MIB1: variants seen among roughly 807,000 people sequenced by gnomAD.
The protein encoded by MIB1 is E3 ubiquitin-protein ligase MIB1.
In MIB1, 278 loss-of-function variants were observed where a neutral mutation model predicts 124.5. The observed-to-expected ratio is 2.23, with a 90% CI of 2.02 to 2.47. The LOEUF is 2.47. MIB1 is among the 30% of genes most tolerant of loss of function. MIB1 has a pLI of 0.00. For synonymous variants in MIB1, 446 were observed against 429.4 expected (o/e 1.04, Z -0.48); for missense variants, 957 against 1,254.4 (o/e 0.76, Z 3.58).
chr18:21,708,578 C>A (rs1372141185), intron 1 of MIB1, among the ~76,000 whole-genome samples: 1 of 152,098 alleles, frequency 6.6e-6, no homozygotes, highest in African/African-American at 2.4e-5. Flanking sequence ...ATTGCTTGAA[C>A]CCGGGAAGGC....
At chr18:21,857,523 C>T (rs994020862) in intron 19 of MIB1, among the ~76,000 whole-genome samples, 1 of 152,170 alleles carries the variant, frequency 6.6e-6, no homozygotes, top group Admixed American at 6.5e-5. Context: ...AAAATTTGTG[C>T]TCTATTTTTA....
chr18:21,741,910 C>T lies in MIB1; in HGVS notation c.229+98C>T. On this transcript the variant is annotated intron_variant, in intron 1 of 20. Coordinates refer to ENST00000261537, the MANE Select transcript of MIB1 (RefSeq NM_020774.4). This position sits in a 1 kb window ranked among gnomAD's most constrained non-coding sequence, Gnocchi z 5.4. Reference sequence around the variant, plus strand: ...GCGGGGAGAGGTCTGCAGTGGGACACCTGGTGGGCAGCGCCCGGCTGGAGC... The same window carrying T: ...GCGGGGAGAGGTCTGCAGTGGGACATCTGGTGGGCAGCGCCCGGCTGGAGC... The T allele has an allele frequency of 4.6e-6, 5 of 1,093,332 alleles. No individual in the cohort carries two copies. In the South Asian group the frequency reaches 4.9e-5, roughly 11 times the overall value. The allele number at this position is 1,093,332 out of a possible 1,614,324, so 67.7% of individuals were successfully genotyped here.
intron 1 of MIB1, among the ~76,000 whole-genome samples, chr18:21,754,321 A>G (rs1309817311): frequency 6.6e-6 from 1 of 152,238 alleles, no homozygotes; most frequent in Admixed American, 6.5e-5. Flanking sequence ...CTGAAAATAT[A>G]AAATCAGAAA....
At chr18:21,707,806 T>C (rs2040646659) in intron 1 of MIB1, among the ~76,000 whole-genome samples, 1 of 152,182 alleles carries the variant, frequency 6.6e-6, no homozygotes, top group South Asian at 2.1e-4. Flanking sequence ...AGTGAAAGTA[T>C]TATCGAATAA....
At chr18:21,752,745 C>A (rs2040989729) in intron 1 of MIB1, among the ~76,000 whole-genome samples, 1 of 152,006 alleles carries the variant, frequency 6.6e-6, no homozygotes, top group Non-Finnish European at 1.5e-5. Context: ...AAACAAAAAA[C>A]AACAAAAAAC....
intron 12 of MIB1, among the ~76,000 whole-genome samples, chr18:21,835,801 CCACACACA>C (rs774725850): frequency 6.9e-5 from 7 of 101,584 alleles, no homozygotes; most frequent in African/African-American, 2.7e-4. Context: ...ATATATATAT[CCACACACA>C]CACACACACA....
intron 13 of MIB1, among the ~76,000 whole-genome samples, chr18:21,839,930 C>T (rs545502896): frequency 6.6e-6 from 1 of 152,192 alleles, no homozygotes; most frequent in Non-Finnish European, 1.5e-5. Context: ...TAGCACACCC[C>T]TGTAATGCCA....
At chr18:21,758,314 G>A (rs2041058097) in intron 1 of MIB1, among the ~76,000 whole-genome samples, 1 of 152,180 alleles carries the variant, frequency 6.6e-6, no homozygotes, top group Non-Finnish European at 1.5e-5. Context: ...ATTTTAATTA[G>A]AGTTGAGGCA....
At chr18:21,859,010 A>G (rs2042251495) in intron 20 of MIB1, among the ~76,000 whole-genome samples, 1 of 152,226 alleles carries the variant, frequency 6.6e-6, no homozygotes, top group African/African-American at 2.4e-5. Context: ...GTGGGAATAT[A>G]TATTAGTAGA....
chr18:21,775,135 C>T (rs758471255), intron 4 of MIB1, among the ~76,000 whole-genome samples: 25 of 151,172 alleles, frequency 1.7e-4, no homozygotes, highest in South Asian at 4.2e-4. Flanking sequence ...TTAGTAGAGA[C>T]GCGATTTCAC....
chr18:21,739,144 GA>G (rs1167033816), upstream of MIB1, among the ~76,000 whole-genome samples: 10 of 152,008 alleles, frequency 6.6e-5, no homozygotes, highest in African/African-American at 2.4e-4. Flanking sequence ...TACCATCAGA[GA>G]ATACTATAAA....
chr18:21,732,399 AAGAG>A (rs1034624877), intron 1 of MIB1, among the ~76,000 whole-genome samples: 1 of 122,070 alleles, frequency 8.2e-6, no homozygotes, highest in Non-Finnish European at 1.9e-5. Context: ...CACACAGAGC[AAGAG>A]AGAGAGAGAG....
intron 1 of MIB1, among the ~76,000 whole-genome samples, chr18:21,720,025 G>A (rs188104404): frequency 6.6e-6 from 1 of 152,216 alleles, no homozygotes; most frequent in Non-Finnish European, 1.5e-5. Context: ...GAAAACTTTG[G>A]TCACATTTGA....
intron 17 of MIB1, among the ~76,000 whole-genome samples, chr18:21,849,818 G>A (rs1043921329): frequency 6.6e-6 from 1 of 151,956 alleles, no homozygotes; most frequent in Non-Finnish European, 1.5e-5. Flanking sequence ...AAACTGTTTT[G>A]CATTCATGTT....
In MIB1 at chr18:21,867,124, CA is replaced by C. The variant is rs1246058161; in HGVS notation, c.*2459del. Reference sequence around the variant, plus strand: ...AAAAAGAAAAAAACTGACACGCATTCATTCAAAAAAGTATTTATTGGGCTTT... The same window carrying C: ...AAAAAGAAAAAAACTGACACGCATTCTTCAAAAAAGTATTTATTGGGCTTT... On this transcript the variant is annotated 3_prime_UTR_variant, in exon 21 of 21. Coordinates refer to ENST00000261537, the MANE Select transcript of MIB1 (RefSeq NM_020774.4). 1 of 152,524 alleles carries C rather than the reference CA, an allele frequency of 6.6e-6. No homozygotes were observed. The highest frequency in any genetic ancestry group is 1.5e-5 in the Non-Finnish European group (1 of 68,012). The allele number at this position is 152,524 out of a possible 1,614,324, so 9.4% of individuals were successfully genotyped here. A position where few individuals can be genotyped will look rare whatever the true frequency, so the allele number is the denominator to read the frequency against.
At chr18:21,839,326 G>C (rs992763145) in intron 13 of MIB1, among the ~76,000 whole-genome samples, 1 of 152,006 alleles carries the variant, frequency 6.6e-6, no homozygotes, top group Non-Finnish European at 1.5e-5. Flanking sequence ...TAAAATTACT[G>C]CTCTCTGTTA....
intron 6 of MIB1, among the ~76,000 whole-genome samples, chr18:21,781,117 A>G (rs2041356649): frequency 6.6e-6 from 1 of 151,426 alleles, no homozygotes; most frequent in African/African-American, 2.4e-5. Context: ...GGGTCTTGCC[A>G]TATTGCCCAG....
At chr18:21,739,520 T>A (rs1038106773), upstream of MIB1, among the ~76,000 whole-genome samples, 1 of 152,134 alleles carries the variant, frequency 6.6e-6, no homozygotes, top group Non-Finnish European at 1.5e-5. Flanking sequence ...CCAATATCCC[T>A]GATGAACATC....
chr18:21,823,621 C>A (rs1373240353), intron 12 of MIB1, among the ~76,000 whole-genome samples: 1 of 152,098 alleles, frequency 6.6e-6, no homozygotes, highest in Admixed American at 6.5e-5. Context: ...AAAAGAGTTA[C>A]AAAGCCATTT....
Sources: gnomAD v4.1 joint callset for allele counts (sites outside exome capture counted in the v4.1 genomes callset) on GRCh38, gnomAD v4.1.1 for gene constraint, Gnocchi (gnomAD v3.1) non-coding constraint, MANE v1.5 for transcripts, NCBI Gene and HGNC (gene_info 2026-07-23, HGNC 2026-07-21) for gene names.